RFX3: variants seen among roughly 807,000 people sequenced by gnomAD.
The protein encoded by RFX3 is transcription factor RFX3.
RFX3 carries 14 observed loss-of-function variants against 98.6 expected under a neutral mutation model. The ratio of observed to expected loss-of-function variants is 0.14; its 90% CI spans 0.09 to 0.22. RFX3 has a LOEUF of 0.22. Ranked by LOEUF, RFX3 falls within the 10% of genes least tolerant of loss-of-function variation. The pLI is 1.00. For synonymous variants in RFX3, 383 were observed against 328.4 expected (o/e 1.17, Z -1.80); for missense variants, 639 against 926.9 (o/e 0.69, Z 4.03).
chr9:3,410,109 CAT>C (rs1842325758), intron 1 of RFX3, among the ~76,000 whole-genome samples: 1 of 148,534 alleles, frequency 6.7e-6, no homozygotes, highest in Non-Finnish European at 1.5e-5. Flanking sequence ...CTCTTTCTCA[CAT>C]GAGTAAGGCT....
intron 4 of RFX3, among the ~76,000 whole-genome samples, chr9:3,310,836 A>C (rs1459663613): frequency 6.6e-6 from 1 of 152,188 alleles, no homozygotes; most frequent in East Asian, 1.9e-4. Flanking sequence ...CAAAGTGGAA[A>C]TATTTCAAAT....
At chr9:3,317,907 C>A (rs1002094628) in intron 4 of RFX3, among the ~76,000 whole-genome samples, 8 of 152,184 alleles carry the variant, frequency 5.3e-5, no homozygotes, top group African/African-American at 1.9e-4. Context: ...AATAGGAACA[C>A]TTTTACACTG....
rs549232529 is a variant in RFX3, at chr9:3,378,217, A to G, written c.117+17255T>C. On this transcript the variant is annotated intron_variant, in intron 2 of 16. Coordinates refer to ENST00000617270, the MANE Select transcript of RFX3 (RefSeq NM_001282116.2). ...TTAGGTAATATCTTCAAATTGTTAC[A>G]TGACTGTCGAAGAATTGGACAGGTA... 2.6e-5 allele frequency among the ~76,000 whole-genome samples: 4 copies of G among 152,310 alleles called. No individual in the cohort carries two copies. The South Asian group carries it at 8.3e-4, about 32-fold the overall frequency.
chr9:3,354,895 G>A, intron 2 of RFX3, among the ~76,000 whole-genome samples: 1 of 151,742 alleles, frequency 6.6e-6, no homozygotes, highest in Non-Finnish European at 1.5e-5. Flanking sequence ...ACTATGTAGA[G>A]CAAAAATAAT....
intron 2 of RFX3, among the ~76,000 whole-genome samples, chr9:3,356,529 G>A (rs1835795016): frequency 6.6e-6 from 1 of 151,608 alleles, no homozygotes; most frequent in South Asian, 2.1e-4. Flanking sequence ...TGGTTTCACT[G>A]GTAAATTGTA....
chr9:3,344,360 G>A (rs1442987347), intron 3 of RFX3, among the ~76,000 whole-genome samples: 1 of 152,092 alleles, frequency 6.6e-6, no homozygotes, highest in African/African-American at 2.4e-5. Flanking sequence ...TACTTAACCA[G>A]TTGGGCATCC....
chr9:3,484,901 T>A (rs896710102), intron 1 of RFX3, among the ~76,000 whole-genome samples: 1 of 147,670 alleles, frequency 6.8e-6, no homozygotes, highest in Non-Finnish European at 1.5e-5. Context: ...CTGAGCAACA[T>A]AGGGAGACAC....
At chr9:3,282,766 G>A (rs900036998) in intron 7 of RFX3, among the ~76,000 whole-genome samples, 2 of 151,622 alleles carry the variant, frequency 1.3e-5, no homozygotes, top group African/African-American at 4.8e-5. Flanking sequence ...TGACAATCTG[G>A]CTCCATCTGA....
intron 2 of RFX3, among the ~76,000 whole-genome samples, chr9:3,391,861 A>T (rs980413015): frequency 6.6e-6 from 1 of 152,166 alleles, no homozygotes; most frequent in Non-Finnish European, 1.5e-5. Flanking sequence ...ACTTTAGTAA[A>T]ATGTTTGGAG....
At chr9:3,263,767 C>T (rs372924429) in intron 12 of RFX3, among the ~76,000 whole-genome samples, 31 of 152,214 alleles carry the variant, frequency 2.0e-4, no homozygotes, top group African/African-American at 7.2e-4. Flanking sequence ...AAGATTGATC[C>T]GAATGGACCA....
intron 2 of RFX3, among the ~76,000 whole-genome samples, chr9:3,392,361 A>T (rs1284271061): frequency 6.6e-6 from 1 of 152,058 alleles, no homozygotes; most frequent in Non-Finnish European, 1.5e-5. Flanking sequence ...TAATATCTTC[A>T]GAAAGGTAAA....
Position 3,392,437 on chromosome 9 carries a change from G to A in RFX3, c.117+3035C>T, listed in dbSNP as rs142387110. ...ACATAGGAATTTTTTAAAAATTCCT[G>A]AAAATTAAAAAAAAAGTGATAGAAA... On this transcript the variant is annotated intron_variant, in intron 2 of 16. Transcript: ENST00000617270. Among the ~76,000 whole-genome samples the A allele has an allele frequency of 3.4e-5, 5 of 148,048 alleles. No individual in the cohort carries two copies. The East Asian group carries it at 9.9e-4, about 29-fold the overall frequency.
intron 1 of RFX3, among the ~76,000 whole-genome samples, chr9:3,505,141 AT>A (rs1438697697): frequency 1.0e-5 from 1 of 98,456 alleles, no homozygotes; most frequent in Non-Finnish European, 1.8e-5. Flanking sequence ...ATATTTATAT[AT>A]TATATGAATA....
At chr9:3,494,191 C>T (rs903044369) in intron 1 of RFX3, among the ~76,000 whole-genome samples, 3 of 152,080 alleles carry the variant, frequency 2.0e-5, no homozygotes, top group African/African-American at 7.2e-5. Context: ...AGACAGAGTA[C>T]CTGGCTGAAA....
chr9:3,339,790 G>A (rs933193788), intron 3 of RFX3, among the ~76,000 whole-genome samples: 30 of 152,112 alleles, frequency 2.0e-4, no homozygotes, highest in African/African-American at 7.0e-4. Flanking sequence ...ATGCTCATGG[G>A]TAGGAAGAAT....
At chr9:3,330,629 T>G in intron 3 of RFX3, 112 bp from the exon 4 acceptor site, 1 of 1,005,724 alleles carries the variant, frequency 9.9e-7, no homozygotes, top group Non-Finnish European at 1.4e-6. Context: ...CTTTGCAACA[T>G]GGCAAGTTTC....
At chr9:3,500,174 G>A (rs1815823931) in intron 1 of RFX3, among the ~76,000 whole-genome samples, 1 of 152,168 alleles carries the variant, frequency 6.6e-6, no homozygotes, top group Non-Finnish European at 1.5e-5. Flanking sequence ...ACTGAGAGGT[G>A]TAAAGGCAAC....
intron 4 of RFX3, among the ~76,000 whole-genome samples, chr9:3,309,039 T>C (rs1175754193): frequency 6.6e-6 from 1 of 152,130 alleles, no homozygotes; most frequent in Non-Finnish European, 1.5e-5. Context: ...CGGTCACAAA[T>C]GTGATAAAAA....
At chr9:3,247,942 G>C (rs765994659) in intron 15 of RFX3, 90 bp downstream of exon 15, 1 of 1,613,066 alleles carries the variant, frequency 6.2e-7, no homozygotes, top group Non-Finnish European at 8.5e-7. Flanking sequence ...TAGGAACCAT[G>C]GTTTTAATCA....
Sources: allele counts gnomAD v4.1 joint callset (sites outside exome capture counted in the v4.1 genomes callset), GRCh38; gene constraint gnomAD v4.1.1; transcripts MANE v1.5; gene names NCBI Gene and HGNC (gene_info 2026-07-23, HGNC 2026-07-21).